MNAT1: variants seen among roughly 807,000 people sequenced by gnomAD.
MNAT1 encodes MNAT1 component of CDK activating kinase.
A neutral mutation model predicts 42.0 loss-of-function variants in MNAT1; 43 were observed. The ratio of observed to expected loss-of-function variants is 1.02; its 90% CI spans 0.80 to 1.32. The LOEUF (loss-of-function observed/expected upper bound fraction) is 1.32. MNAT1 is among the 40% of genes most tolerant of loss of function. The probability of loss-of-function intolerance (pLI) is 0.00; values close to 1 mark genes in which losing one functional copy is unlikely to be tolerated. For synonymous variants in MNAT1, 118 were observed against 120.0 expected (o/e 0.98, Z 0.11); for missense variants, 306 against 350.4 (o/e 0.87, Z 1.01).
rs144365641 is a variant in MNAT1, at chr14:60,864,097, G to A, written c.688-15617G>A. Among the ~76,000 whole-genome samples the A allele has an allele frequency of 5.1e-3, 775 of 152,010 alleles. 14 individuals are homozygous for A. The highest frequency in any genetic ancestry group is 0.018 in the African/African-American group (727 of 41,516). On this transcript the variant is annotated intron_variant, in intron 6 of 7. Transcript: ENST00000261245. The stretch of plus-strand genomic sequence containing the variant: ...TCTAATGAGGTTGTAGCACATCTCA[G>A]TAAAGATGAAATTTGCCTTAATCTG...
rs531862236 is a variant in MNAT1 at position 60,918,407 on chromosome 14, A to C, written c.809+38572A>C. Among the ~76,000 whole-genome samples, 5 of 149,788 alleles carry C rather than the reference A, an allele frequency of 3.3e-5. No individual in the cohort carries two copies. The East Asian group carries it at 9.9e-4, about 30-fold the overall frequency. On this transcript the variant is annotated intron_variant, in intron 7 of 7. Transcript: ENST00000261245. ...GTATTTTTAGTAGAGACGGGGTTTC[A>C]CCGTTTTAGCCAGGTTGGTCTCGAT...
At position 60,842,346 on chromosome 14, in the gene MNAT1, A is replaced by T. The variant is rs147120455; in HGVS notation, c.687+23499A>T. 1.6e-4 allele frequency among the ~76,000 whole-genome samples: 25 copies of T among 152,178 alleles called. No individual in the cohort carries two copies. The East Asian group carries it at 4.3e-3, about 26-fold the overall frequency. ...CCCTGCAAATTATAGCTGCCCTGGGATCCCTGAAGTCTGATTTTCGTCTCC... is the reference window on the plus strand; with the variant it reads ...CCCTGCAAATTATAGCTGCCCTGGGTTCCCTGAAGTCTGATTTTCGTCTCC... On this transcript the variant is annotated intron_variant, in intron 6 of 7. Transcript: ENST00000261245.
At chr14:60,879,919 A>AT in intron 7 of MNAT1, 84 bp downstream of exon 7, 3 of 1,444,124 alleles carry the variant, frequency 2.1e-6, no homozygotes, top group Non-Finnish European at 1.9e-6. Context: ...ACATTCTTAG[A>AT]TTTTCAGTTT....
chr14:60,830,000 G>A (rs2033170134), intron 6 of MNAT1, among the ~76,000 whole-genome samples: 1 of 152,078 alleles, frequency 6.6e-6, no homozygotes, highest in African/African-American at 2.4e-5. Flanking sequence ...TTAGAATTAG[G>A]GAAAAAGAAG....
At chr14:60,856,094 A>C (rs913589475) in intron 6 of MNAT1, among the ~76,000 whole-genome samples, 7 of 152,200 alleles carry the variant, frequency 4.6e-5, no homozygotes, top group Non-Finnish European at 8.8e-5. Flanking sequence ...TAAGCTTCCT[A>C]AGGAAGGCTT....
chr14:60,884,362 A>G (rs2034615964), intron 7 of MNAT1, among the ~76,000 whole-genome samples: 1 of 152,094 alleles, frequency 6.6e-6, no homozygotes, highest in African/African-American at 2.4e-5. Flanking sequence ...GATATATCAT[A>G]TTGATTGATT....
chr14:60,780,622 G>A (rs1439241324), intron 1 of MNAT1: 1 of 1,278,448 alleles, frequency 7.8e-7, no homozygotes, highest in African/African-American at 1.5e-5. Context: ...TAATGTAATT[G>A]TAATTTTGAA....
At chr14:60,937,943 C>T (rs573117734) in intron 7 of MNAT1, among the ~76,000 whole-genome samples, 18 of 152,282 alleles carry the variant, frequency 1.2e-4, no homozygotes, top group African/African-American at 3.9e-4. Flanking sequence ...AGAGGTCCTT[C>T]ACATCCCTTG....
At chr14:60,755,017 A>G (rs747940405) in intron 1 of MNAT1, among the ~76,000 whole-genome samples, 11 of 151,590 alleles carry the variant, frequency 7.3e-5, no homozygotes, top group East Asian at 1.9e-4. Flanking sequence ...TTTTTTTTCC[A>G]GAGACAAAAT....
intron 7 of MNAT1, 76 bp downstream of exon 7, chr14:60,879,911 A>G: frequency 6.8e-7 from 1 of 1,475,198 alleles, no homozygotes; most frequent in South Asian, 1.3e-5. Flanking sequence ...ACATGTTAAC[A>G]TTCTTAGATT....
chr14:60,902,647 C>A (rs908715830), intron 7 of MNAT1, among the ~76,000 whole-genome samples: 1 of 152,080 alleles, frequency 6.6e-6, no homozygotes, highest in African/African-American at 2.4e-5. Context: ...AATCAAACAC[C>A]AATCCTTTTG....
At chr14:60,845,391 A>G (rs931749915) in intron 6 of MNAT1, among the ~76,000 whole-genome samples, 1 of 151,964 alleles carries the variant, frequency 6.6e-6, no homozygotes, top group Non-Finnish European at 1.5e-5. Context: ...GTTGTTTATA[A>G]TATTTTCTTA....
At chr14:60,819,720 G>T (rs150531527) in intron 6 of MNAT1, among the ~76,000 whole-genome samples, 1 of 152,112 alleles carries the variant, frequency 6.6e-6, no homozygotes, top group African/African-American at 2.4e-5. Context: ...TACGGATTTG[G>T]ACTTTGAATC....
intron 7 of MNAT1, among the ~76,000 whole-genome samples, chr14:60,941,234 A>G (rs1254743026): frequency 1.3e-5 from 2 of 152,114 alleles, no homozygotes; most frequent in African/African-American, 2.4e-5. Context: ...TGGCTAGTCC[A>G]TTTTTCCCTT....
intron 6 of MNAT1, among the ~76,000 whole-genome samples, chr14:60,848,913 A>G (rs2033749312): frequency 6.6e-6 from 1 of 152,186 alleles, no homozygotes; most frequent in Non-Finnish European, 1.5e-5. Flanking sequence ...GTTAATGTCT[A>G]TAAATATTTA....
intron 1 of MNAT1, among the ~76,000 whole-genome samples, chr14:60,779,764 A>G (rs1316523312): frequency 2.6e-5 from 4 of 152,044 alleles, no homozygotes; most frequent in Non-Finnish European, 5.9e-5. Flanking sequence ...CCAGCCTGGC[A>G]ACAAAGTGAG....
At chr14:60,741,360 T>G (rs943118036) in intron 1 of MNAT1, among the ~76,000 whole-genome samples, 2 of 151,898 alleles carry the variant, frequency 1.3e-5, no homozygotes, top group African/African-American at 4.8e-5. Flanking sequence ...ATTTATGTAT[T>G]TATTATTTTT....
intron 7 of MNAT1, among the ~76,000 whole-genome samples, chr14:60,905,651 G>C (rs1334106182): frequency 3.3e-5 from 5 of 152,204 alleles, no homozygotes; most frequent in Non-Finnish European, 5.9e-5. Context: ...CTTAGCGGGG[G>C]TGGAGGTGAA....
intron 7 of MNAT1, among the ~76,000 whole-genome samples, chr14:60,901,651 A>G (rs2035074686): frequency 6.6e-6 from 1 of 152,210 alleles, no homozygotes; most frequent in Non-Finnish European, 1.5e-5. Context: ...CAGGAATTTG[A>G]AAGAAGTTAA....
Sources: allele counts gnomAD v4.1 joint callset (sites outside exome capture counted in the v4.1 genomes callset), GRCh38; gene constraint gnomAD v4.1.1; transcripts MANE v1.5; gene names NCBI Gene and HGNC (gene_info 2026-07-23, HGNC 2026-07-21).